Variants in LEKR1 observed in about 807,000 individuals in gnomAD.
LEKR1 encodes leucine, glutamate and lysine rich 1.
Under a neutral mutation model 72.4 loss-of-function variants are expected in LEKR1, and 59 were observed. That is an observed-to-expected ratio of 0.82 (90% CI 0.66 to 1.01). The LOEUF (loss-of-function observed/expected upper bound fraction) is 1.01. Ranked by LOEUF, LEKR1 falls within the 50% of genes least tolerant of loss-of-function variation. LEKR1 has a pLI of 0.00. For missense variants in LEKR1, 728 were observed against 759.2 expected, an observed-to-expected ratio of 0.96 and a Z score of 0.48; for synonymous variants, 257 against 263.2, an observed-to-expected ratio of 0.98 and a Z score of 0.23.
chr3:156,970,211 C>T (rs1333596881), intron 6 of LEKR1, among the ~76,000 whole-genome samples: 2 of 152,160 alleles, frequency 1.3e-5, no homozygotes, highest in Non-Finnish European at 2.9e-5. Context: ...AAAACTGGCA[C>T]AAGACAGGGA....
rs147133261 is a variant in LEKR1 at position 157,028,345 on chromosome 3, A to T, written c.1611A>T (p.Lys537Asn). Residue 537 changes from lysine (K) to asparagine (N), a missense_variant, in exon 12 of 13, where the codon AAA (lysine) becomes AAT (asparagine). By Grantham distance (94) the Lys-to-Asn change is moderately conservative. Transcript: ENST00000356539. ...TGGAACAGAAGTCGGATGAACTGAA[A>T]AGAGTAATGCTGGCTCAAACACAAC... ...KEMEQKSDEL[K>N]RVMLAQTQLI... 6.2e-7 allele frequency: 1 copy of T among 1,613,178 alleles called. No homozygotes were observed. Among genetic ancestry groups the T allele is most frequent in the Non-Finnish European group, 8.5e-7 (1 of 1,179,626 alleles).
At chr3:156,919,361 C>T (rs771830061) in intron 3 of LEKR1, among the ~76,000 whole-genome samples, 6 of 130,374 alleles carry the variant, frequency 4.6e-5, no homozygotes, top group Non-Finnish European at 9.3e-5. Context: ...GTATTACGAG[C>T]ATTGTTGTTC....
intron 1 of LEKR1, chr3:156,826,817 C>G (rs1711662371): frequency 6.4e-6 from 1 of 155,524 alleles, no homozygotes; most frequent in Admixed American, 6.5e-5. Context: ...TGCCCCTGAC[C>G]TGCTCGTTGT....
At chr3:156,950,800 G>A (rs1187377314) in intron 6 of LEKR1, among the ~76,000 whole-genome samples, 1 of 151,560 alleles carries the variant, frequency 6.6e-6, no homozygotes, top group East Asian at 1.9e-4. Context: ...ATAGAAACAT[G>A]TCATCTGCAA....
intron 3 of LEKR1, among the ~76,000 whole-genome samples, chr3:156,885,776 C>T (rs546875104): frequency 6.6e-6 from 1 of 152,228 alleles, no homozygotes; most frequent in African/African-American, 2.4e-5. Flanking sequence ...CACATGGATA[C>T]ACTCAGGACC....
chr3:156,851,980 A>G (rs1418670514), intron 2 of LEKR1, among the ~76,000 whole-genome samples: 4 of 152,142 alleles, frequency 2.6e-5, no homozygotes, highest in African/African-American at 4.8e-5. Flanking sequence ...CACTGGCCCT[A>G]TGCTGGCCAA....
At chr3:156,892,432 A>G (rs1720760815) in intron 3 of LEKR1, among the ~76,000 whole-genome samples, 1 of 152,176 alleles carries the variant, frequency 6.6e-6, no homozygotes, top group Non-Finnish European at 1.5e-5. Flanking sequence ...TAAAATGAAA[A>G]CATAATTCTT....
chr3:156,865,380 G>A (rs555300638), intron 3 of LEKR1, among the ~76,000 whole-genome samples: 5 of 152,092 alleles, frequency 3.3e-5, no homozygotes, highest in African/African-American at 1.2e-4. Context: ...AGTATTAAAT[G>A]GGGGTGTGTG....
chr3:157,016,273 G>A (rs1733325259), intron 10 of LEKR1, among the ~76,000 whole-genome samples: 1 of 151,838 alleles, frequency 6.6e-6, no homozygotes, highest in Non-Finnish European at 1.5e-5. Context: ...GTTCACCAAG[G>A]GAAATTATAA....
chr3:156,851,812 G>T (rs1715403242), intron 2 of LEKR1, among the ~76,000 whole-genome samples: 1 of 152,042 alleles, frequency 6.6e-6, no homozygotes, highest in South Asian at 2.1e-4. Context: ...GATAATCCAA[G>T]AGTTAATTTC....
Position 156,829,349 on chromosome 3 carries a change from T to C in LEKR1, c.20T>C (p.Met7Thr). MDHHIP[M>T]HALPEEIQKM... Reference sequence around the variant, plus strand: ...GAAGTTATGGATCATCACATTCCCATGCATGCGTTGCCTGAAGAAATCCAA... The same window carrying C: ...GAAGTTATGGATCATCACATTCCCACGCATGCGTTGCCTGAAGAAATCCAA... The change falls in exon 2 of 13, where the codon ATG (methionine) becomes ACG (threonine). Residue 7 changes from methionine (M) to threonine (T), a missense_variant. Met to Thr is a moderately conservative substitution (Grantham distance 81). Transcript: ENST00000356539. The C allele has an allele frequency of 6.5e-7, 1 of 1,534,774 alleles. No homozygotes were observed. The highest frequency in any genetic ancestry group is 8.7e-7 in the Non-Finnish European group (1 of 1,145,662).
At position 157,046,116 on chromosome 3, in the gene LEKR1, ATTGT is replaced by A. The variant is rs1375394634; in HGVS notation, c.*370_*373del. The A allele has an allele frequency of 1.6e-5, 3 of 183,968 alleles. No homozygotes were observed. The highest frequency in any genetic ancestry group is 2.3e-5 in the Non-Finnish European group (2 of 87,994). The allele number at this position is 183,968 out of a possible 1,614,324, so 11.4% of individuals were successfully genotyped here. A position where few individuals can be genotyped will look rare whatever the true frequency, so the allele number is the denominator to read the frequency against. On this transcript the variant is annotated 3_prime_UTR_variant, in exon 13 of 13. Coordinates refer to ENST00000356539, the MANE Select transcript of LEKR1 (RefSeq NM_001004316.3). ...CAGATATATTTCCACAAAAAAATAG[ATTGT>A]TTGAGATTTGTTGGTATGTGTTCAT...
At chr3:156,933,045 CA>C (rs1410482610) in intron 5 of LEKR1, among the ~76,000 whole-genome samples, 4 of 151,880 alleles carry the variant, frequency 2.6e-5, no homozygotes, top group African/African-American at 9.7e-5. Flanking sequence ...AACAAACAAA[CA>C]AACAAACAAA....
At chr3:156,991,588 T>G (rs1047647889) in intron 7 of LEKR1, among the ~76,000 whole-genome samples, 1 of 152,158 alleles carries the variant, frequency 6.6e-6, no homozygotes, top group African/African-American at 2.4e-5. Flanking sequence ...TTTTAATATA[T>G]TAACCTTTTG....
intron 4 of LEKR1, among the ~76,000 whole-genome samples, 198 bp from the exon 5 acceptor site, chr3:156,927,231 T>C (rs1274315565): frequency 6.6e-6 from 1 of 151,956 alleles, no homozygotes; most frequent in Non-Finnish European, 1.5e-5. Context: ...TGAGTTAGAG[T>C]GACCATACAC....
chr3:157,011,189 T>C (rs568603326), intron 9 of LEKR1, among the ~76,000 whole-genome samples: 9 of 152,160 alleles, frequency 5.9e-5, no homozygotes, highest in Non-Finnish European at 1.3e-4. Context: ...TCTTATTACT[T>C]ATTAAGCAAA....
intron 3 of LEKR1, among the ~76,000 whole-genome samples, chr3:156,898,849 G>A (rs1271683569): frequency 6.6e-6 from 1 of 152,118 alleles, no homozygotes; most frequent in Admixed American, 6.5e-5. Flanking sequence ...CAAAAAAATG[G>A]GATGAAGTTC....
rs1233535218 is a variant in LEKR1 at position 156,941,945 on chromosome 3, GATT to G, written c.560-578_560-576del. ...AACAATCTAAATAGAATAATGACAT[GATT>G]ATTATGAATTCTGGTCTTATTGGGG... On this transcript the variant is annotated intron_variant, in intron 5 of 12. Coordinates refer to ENST00000356539, the MANE Select transcript of LEKR1 (RefSeq NM_001004316.3). Among the ~76,000 whole-genome samples the G allele has an allele frequency of 4.0e-5, 6 of 151,844 alleles. No individual in the cohort carries two copies. The East Asian group carries it at 5.8e-4, about 15-fold the overall frequency.
chr3:156,912,860 G>T (rs571780616), intron 3 of LEKR1, among the ~76,000 whole-genome samples: 32 of 152,256 alleles, frequency 2.1e-4, no homozygotes, highest in African/African-American at 7.5e-4. Flanking sequence ...GCTGTGTAGG[G>T]TTAAGGCTAC....
Sources: gnomAD v4.1 joint callset for allele counts (sites outside exome capture counted in the v4.1 genomes callset) on GRCh38, gnomAD v4.1.1 for gene constraint, MANE v1.5 for transcripts, NCBI Gene and HGNC (gene_info 2026-07-23, HGNC 2026-07-21) for gene names.